Variants in SLC14A2 observed in about 807,000 individuals in gnomAD.
The protein encoded by SLC14A2 is solute carrier family 14 member 2, also known as urea transporter 2.
In SLC14A2, 91 loss-of-function variants were observed where a neutral mutation model predicts 104.6. The ratio of observed to expected loss-of-function variants is 0.87; its 90% CI spans 0.73 to 1.04. The LOEUF (loss-of-function observed/expected upper bound fraction) is 1.04. Among genes scored for constraint, SLC14A2 ranks in the 50% least tolerant of loss-of-function variants. The probability of loss-of-function intolerance (pLI) is 0.00; values close to 1 mark genes in which losing one functional copy is unlikely to be tolerated. For synonymous variants in SLC14A2, 476 were observed against 466.4 expected, an observed-to-expected ratio of 1.02 and a Z score of -0.27; for missense variants, 1,189 against 1,156.0, an observed-to-expected ratio of 1.03 and a Z score of -0.41.
At chr18:45,577,851 A>T (rs2044436668) in intron 2 of SLC14A2, among the ~76,000 whole-genome samples, 1 of 152,218 alleles carries the variant, frequency 6.6e-6, no homozygotes, top group Non-Finnish European at 1.5e-5. Context: ...ACTCTGGTGG[A>T]GGGGAAAAGT....
intron 1 of SLC14A2, among the ~76,000 whole-genome samples, chr18:45,261,196 A>G (rs1292215734): frequency 1.3e-5 from 2 of 150,610 alleles, no homozygotes; most frequent in African/African-American, 2.4e-5. Context: ...CCGGTGTGTG[A>G]TGTTCGCCTT....
chr18:45,448,142 G>C (rs1340726819), intron 1 of SLC14A2, among the ~76,000 whole-genome samples: 1 of 152,200 alleles, frequency 6.6e-6, no homozygotes, highest in African/African-American at 2.4e-5. Context: ...GGCAAAAAGG[G>C]TGCCTTGGCT....
At chr18:45,319,877 A>G (rs2085168025) in intron 1 of SLC14A2, among the ~76,000 whole-genome samples, 1 of 152,216 alleles carries the variant, frequency 6.6e-6, no homozygotes, top group Non-Finnish European at 1.5e-5. Flanking sequence ...GCTCTGGTGC[A>G]AACAGAACAT....
chr18:45,423,368 A>T (rs549748462), intron 1 of SLC14A2, among the ~76,000 whole-genome samples: 4 of 152,350 alleles, frequency 2.6e-5, no homozygotes, highest in African/African-American at 9.6e-5. Context: ...CAGCGAGTTC[A>T]TAGTCCTGTC....
intron 1 of SLC14A2, among the ~76,000 whole-genome samples, chr18:45,232,272 T>C (rs2084182306): frequency 6.6e-6 from 1 of 152,180 alleles, no homozygotes; most frequent in African/African-American, 2.4e-5. Flanking sequence ...GCACATCTTA[T>C]GTGGCAGATC....
rs191995891 is a variant in SLC14A2 at position 45,337,916 on chromosome 18, G to T, written c.-125+124725G>T. Among the ~76,000 whole-genome samples the T allele has an allele frequency of 7.9e-5, 12 of 152,234 alleles. No individual in the cohort carries two copies. The East Asian group carries it at 1.9e-3, about 25-fold the overall frequency. On this transcript the variant is annotated intron_variant, in intron 1 of 20. Coordinates refer to the SLC14A2 transcript ENST00000586448. ...TGCAGCCAGGCTTTTCCCAGATCTAGGAGAGATTAAGAATATGACACCTTT... is the reference window on the plus strand; with the variant it reads ...TGCAGCCAGGCTTTTCCCAGATCTATGAGAGATTAAGAATATGACACCTTT...
chr18:45,516,591 A>G (rs1205488216), intron 2 of SLC14A2, among the ~76,000 whole-genome samples: 1 of 152,244 alleles, frequency 6.6e-6, no homozygotes, highest in East Asian at 1.9e-4. Context: ...AGGAGATTCC[A>G]TAATCATTCA....
At chr18:45,375,456 A>G (rs1377353716) in intron 1 of SLC14A2, among the ~76,000 whole-genome samples, 3 of 152,060 alleles carry the variant, frequency 2.0e-5, no homozygotes, top group Non-Finnish European at 2.9e-5. Flanking sequence ...GACAGCTTCA[A>G]CTTCCCATGA....
chr18:45,642,194 A>G (rs2045539647), intron 8 of SLC14A2, among the ~76,000 whole-genome samples: 1 of 152,214 alleles, frequency 6.6e-6, no homozygotes, highest in African/African-American at 2.4e-5. Context: ...GAAACAGAAG[A>G]CTAGCGTCTG....
chr18:45,303,315 G>A (rs1173039342), intron 1 of SLC14A2, among the ~76,000 whole-genome samples: 1 of 152,198 alleles, frequency 6.6e-6, no homozygotes, highest in East Asian at 1.9e-4. Context: ...TGGCTGCTGG[G>A]ATTGGCCAAG....
chr18:45,321,230 T>C (rs35734107), intron 1 of SLC14A2, among the ~76,000 whole-genome samples: 57 of 152,338 alleles, frequency 3.7e-4, no homozygotes, highest in Admixed American at 7.2e-4. Flanking sequence ...AAATCAGCAG[T>C]TGATACAAGA....
intron 1 of SLC14A2, among the ~76,000 whole-genome samples, chr18:45,355,577 CA>C (rs768389823): frequency 0.039 from 1,993 of 51,070 alleles, 8 homozygotes; most frequent in Middle Eastern, 0.071. Flanking sequence ...TACTCTGTCT[CA>C]AAAAAAAAAA....
chr18:45,194,690 G>C, the SLC14A2 span, among the ~76,000 whole-genome samples: 1 of 125,302 alleles, frequency 8.0e-6, no homozygotes, highest in African/African-American at 3.0e-5. Flanking sequence ...CTGTTGCCCA[G>C]GCTGGAGTGC....
chr18:45,422,240 G>C (rs2086359505), intron 1 of SLC14A2, among the ~76,000 whole-genome samples: 1 of 152,122 alleles, frequency 6.6e-6, no homozygotes, highest in Admixed American at 6.6e-5. Flanking sequence ...TGGATCCAAG[G>C]CCTGTTTGCA....
At chr18:45,630,598 G>T (rs1482104009) in intron 4 of SLC14A2, among the ~76,000 whole-genome samples, 1 of 152,144 alleles carries the variant, frequency 6.6e-6, no homozygotes, top group Non-Finnish European at 1.5e-5. Flanking sequence ...GTTCTGGAGG[G>T]ACACTCTCCA....
chr18:45,453,857 T>A (rs1276974507), intron 1 of SLC14A2, among the ~76,000 whole-genome samples: 62 of 6,274 alleles, frequency 9.9e-3, no homozygotes, highest in Admixed American at 0.043. Flanking sequence ...GTTTTTTTTT[T>A]TTTTTTTTTT....
At chr18:45,529,727 G>A (rs2043652388) in intron 2 of SLC14A2, 1 of 152,056 alleles carries the variant, frequency 6.6e-6, no homozygotes, top group African/African-American at 2.4e-5. Context: ...GGAGAATGGG[G>A]TCACATGGTC....
intron 18 of SLC14A2, among the ~76,000 whole-genome samples, chr18:45,676,613 G>A (rs2046233684): frequency 6.6e-6 from 1 of 151,740 alleles, no homozygotes. Context: ...AAGTGCTACT[G>A]GCATCTAATG....
chr18:45,654,142 G>GGA (rs1047952395), intron 10 of SLC14A2, among the ~76,000 whole-genome samples: 1 of 151,186 alleles, frequency 6.6e-6, no homozygotes, highest in Non-Finnish European at 1.5e-5. Flanking sequence ...AATGCTGGGG[G>GGA]GGACGTGGGT....
Sources: gnomAD v4.1 joint callset for allele counts (sites outside exome capture counted in the v4.1 genomes callset) on GRCh38, gnomAD v4.1.1 for gene constraint, MANE v1.5 for transcripts, NCBI Gene and HGNC (gene_info 2026-07-23, HGNC 2026-07-21) for gene names.